ZNF503: variants seen among roughly 807,000 people sequenced by gnomAD.
The protein encoded by ZNF503 is zinc finger protein 503.
In ZNF503, 15 loss-of-function variants were observed where a neutral mutation model predicts 34.4. The observed-to-expected ratio is 0.44, with a 90% CI of 0.29 to 0.67. ZNF503 has a LOEUF of 0.67. Among genes scored for constraint, ZNF503 ranks in the 30% least tolerant of loss-of-function variants. The pLI is 0.13. For missense variants in ZNF503, 1,007 were observed against 926.8 expected (o/e 1.09, Z -1.12); for synonymous variants, 580 against 456.8 (o/e 1.27, Z -3.44).
the ZNF503 span, among the ~76,000 whole-genome samples, chr10:75,372,420 T>C: frequency 0.053 from 8,132 of 152,270 alleles, 746 homozygotes; most frequent in African/African-American, 0.18. Flanking sequence ...TGGGCTCGTC[T>C]ACTCCACTAA....
At chr10:75,326,869 G>A in the ZNF503 span, among the ~76,000 whole-genome samples, 1 of 151,768 alleles carries the variant, frequency 6.6e-6, no homozygotes, top group African/African-American at 2.4e-5. Flanking sequence ...TTTTTTAGTA[G>A]AGACACGATT....
the ZNF503 span, among the ~76,000 whole-genome samples, chr10:75,367,826 T>C: frequency 6.6e-6 from 1 of 152,206 alleles, no homozygotes; most frequent in Admixed American, 6.5e-5. Context: ...GGACAGTATC[T>C]AACCTACAGG....
the ZNF503 span, among the ~76,000 whole-genome samples, chr10:75,352,522 C>T: frequency 1.3e-5 from 2 of 152,144 alleles, no homozygotes; most frequent in Non-Finnish European, 2.9e-5. Context: ...TCCCAAGGTT[C>T]GGTGAAGACT....
chr10:75,382,781 CT>C, the ZNF503 span: 1 of 325,524 alleles, frequency 3.1e-6, no homozygotes. Context: ...TGGGTCAGCT[CT>C]TTAAGAAGAC....
the ZNF503 span, among the ~76,000 whole-genome samples, chr10:75,353,423 T>C: frequency 6.6e-6 from 1 of 152,182 alleles, no homozygotes; most frequent in African/African-American, 2.4e-5. Context: ...GCTTGTGTCC[T>C]CTGCTCTCCT....
chr10:75,398,961 T>C lies in ZNF503; in HGVS notation c.1729A>G (p.Thr577Ala). 1.2e-6 allele frequency: 2 copies of C among 1,603,122 alleles called. No homozygotes were observed. Among genetic ancestry groups the C allele is most frequent in the Non-Finnish European group, 1.7e-6 (2 of 1,178,454 alleles). Residue 577 changes from threonine to alanine, a missense_variant, in exon 2 of 2, where the codon ACC becomes GCC. Physicochemically the swap from Thr to Ala is moderately conservative, Grantham distance 58. Transcript: ENST00000372524. ...AAMACHMHIPTSGAPGSPGTL... is the reference protein window; with the variant it reads ...AAMACHMHIPASGAPGSPGTL... Reference sequence around the variant, plus strand: ...CCAGGGCTGCCCGGTGCGCCCGAGGTGGGGATGTGCATGTGGCAAGCCATG... The same window carrying C: ...CCAGGGCTGCCCGGTGCGCCCGAGGCGGGGATGTGCATGTGGCAAGCCATG...
chr10:75,359,801 C>T, the ZNF503 span, among the ~76,000 whole-genome samples: 2 of 152,124 alleles, frequency 1.3e-5, no homozygotes. Flanking sequence ...CTCTTTTTCC[C>T]CTGGGACTGG....
the ZNF503 span, among the ~76,000 whole-genome samples, chr10:75,375,813 G>C: frequency 6.6e-6 from 1 of 152,024 alleles, no homozygotes; most frequent in African/African-American, 2.4e-5. Context: ...CACTGAGCCC[G>C]CGGAACCCAT....
At chr10:75,330,241 G>A in the ZNF503 span, among the ~76,000 whole-genome samples, 4 of 152,154 alleles carry the variant, frequency 2.6e-5, no homozygotes, top group South Asian at 4.2e-4. Flanking sequence ...TTATTGGGCT[G>A]CTGGATTTGG....
At chr10:75,375,867 C>T in the ZNF503 span, among the ~76,000 whole-genome samples, 1 of 152,178 alleles carries the variant, frequency 6.6e-6, no homozygotes, top group African/African-American at 2.4e-5. Flanking sequence ...CTTTGGGAAA[C>T]AGTGGCATAA....
chr10:75,311,904 AT>A, the ZNF503 span, among the ~76,000 whole-genome samples: 131 of 145,028 alleles, frequency 9.0e-4, 1 homozygote, highest in Non-Finnish European at 9.8e-4. Flanking sequence ...CACCCAGCTA[AT>A]TTTTTTTTTT....
At chr10:75,370,239 G>C in the ZNF503 span, among the ~76,000 whole-genome samples, 1 of 152,168 alleles carries the variant, frequency 6.6e-6, no homozygotes, top group Non-Finnish European at 1.5e-5. Flanking sequence ...TAAGTTGACT[G>C]TCTTTTATGA....
chr10:75,366,910 AG>A, the ZNF503 span, among the ~76,000 whole-genome samples: 3 of 152,136 alleles, frequency 2.0e-5, no homozygotes, highest in African/African-American at 7.2e-5. Context: ...CCGCACTACT[AG>A]CTTGCTTAAT....
Position 75,398,589 on chromosome 10 carries a change from C to T in ZNF503, c.*160G>A. On this transcript the variant is annotated 3_prime_UTR_variant, in exon 2 of 2. Coordinates refer to ENST00000372524, the MANE Select transcript of ZNF503 (RefSeq NM_032772.6). ...GGAGTGTCCCACCGGGTCTCGGTCGCTGCTGTCGGGTAGATAGATACGGTA... is the reference window on the plus strand; with the variant it reads ...GGAGTGTCCCACCGGGTCTCGGTCGTTGCTGTCGGGTAGATAGATACGGTA... 1.7e-6 allele frequency: 1 copy of T among 578,272 alleles called. No homozygotes were observed. The highest frequency in any genetic ancestry group is 2.6e-6 in the Non-Finnish European group (1 of 390,700). The allele number at this position is 578,272 out of a possible 1,614,324, so 35.8% of individuals were successfully genotyped here.
At chr10:75,342,897 G>T in the ZNF503 span, among the ~76,000 whole-genome samples, 1 of 152,184 alleles carries the variant, frequency 6.6e-6, no homozygotes, top group South Asian at 2.1e-4. Context: ...CTGATTGAAT[G>T]TATAAGACTA....
chr10:75,329,439 C>CCTTCCTTCCTTCCTTCCT, the ZNF503 span, among the ~76,000 whole-genome samples: 1 of 56,326 alleles, frequency 1.8e-5, no homozygotes, highest in African/African-American at 4.6e-5. Flanking sequence ...TCCTTCCTTT[C>CCTTCCTTCCTTCCTTCCT]TTTCTTTCTT....
the ZNF503 span, chr10:75,296,731 A>G: frequency 6.6e-6 from 1 of 152,234 alleles, no homozygotes; most frequent in African/African-American, 2.4e-5. Context: ...CAGGCAGAAA[A>G]GAGATATCTA....
chr10:75,304,968 G>C, the ZNF503 span, among the ~76,000 whole-genome samples: 1 of 152,010 alleles, frequency 6.6e-6, no homozygotes, highest in Admixed American at 6.6e-5. Flanking sequence ...GGGGAAAAAA[G>C]GTCTTAGGCT....
the ZNF503 span, among the ~76,000 whole-genome samples, chr10:75,288,961 A>C: frequency 6.6e-6 from 1 of 152,110 alleles, no homozygotes; most frequent in Non-Finnish European, 1.5e-5. Context: ...GCAGTGGTCC[A>C]CTTCCATGGA....
Sources: allele counts gnomAD v4.1 joint callset (sites outside exome capture counted in the v4.1 genomes callset), GRCh38; gene constraint gnomAD v4.1.1; transcripts MANE v1.5; gene names NCBI Gene and HGNC (gene_info 2026-07-23, HGNC 2026-07-21).